LRRC8B: variants seen among roughly 807,000 people sequenced by gnomAD.
The protein encoded by LRRC8B is volume-regulated anion channel subunit LRRC8B.
A neutral mutation model predicts 58.8 loss-of-function variants in LRRC8B; 23 were observed. The ratio of observed to expected loss-of-function variants is 0.39; its 90% CI spans 0.28 to 0.55. The LOEUF is 0.55. Among genes scored for constraint, LRRC8B ranks in the 20% least tolerant of loss-of-function variants. The pLI, the probability that LRRC8B is intolerant of heterozygous loss-of-function variation, is 0.62. For missense variants in LRRC8B, 694 were observed against 936.0 expected (o/e 0.74, Z 3.37); for synonymous variants, 359 against 374.1 (o/e 0.96, Z 0.47).
intron 1 of LRRC8B, among the ~76,000 whole-genome samples, chr1:89,550,869 C>T (rs571351221): frequency 1.3e-5 from 2 of 152,264 alleles, no homozygotes; most frequent in East Asian, 3.9e-4. Context: ...CCTTCATTTC[C>T]CCCGGCCCCC....
intron 1 of LRRC8B, among the ~76,000 whole-genome samples, chr1:89,542,899 G>A (rs1570571503): frequency 2.0e-5 from 3 of 152,282 alleles, no homozygotes; most frequent in South Asian, 4.1e-4. Flanking sequence ...TTTGTCTTAT[G>A]TACTGGGGGG....
chr1:89,541,710 CAAAAAAAAAAAAAAAAAAAAAAA>C (rs61714771), intron 1 of LRRC8B, among the ~76,000 whole-genome samples: 3 of 42,220 alleles, frequency 7.1e-5, no homozygotes, highest in African/African-American at 1.1e-4. Context: ...GACTCCGTCT[CAAAAAAAAAAAAAAAAAAAAAAA>C]AAAAAAAAAA....
intron 1 of LRRC8B, among the ~76,000 whole-genome samples, chr1:89,560,058 A>G (rs547378381): frequency 1.3e-5 from 2 of 152,344 alleles, no homozygotes; most frequent in African/African-American, 4.8e-5. Context: ...GACTCTATCA[A>G]TCATTTGTTC....
rs1464488543 is a variant in LRRC8B at position 89,597,347 on chromosome 1, A to G, written c.*4304A>G. ...TATTTAACTTTTGCATTTAACTTGT[A>G]TAATACACTACTGCTGAGAAAAACA... On this transcript the variant is annotated 3_prime_UTR_variant, in exon 6 of 6. Coordinates refer to ENST00000330947, the MANE Select transcript of LRRC8B (RefSeq NM_001369817.2). The G allele has an allele frequency of 2.0e-5, 3 of 152,246 alleles. No individual in the cohort carries two copies. Among genetic ancestry groups the G allele is most frequent in the Non-Finnish European group, 4.4e-5 (3 of 68,040 alleles). 9.4% of individuals were successfully genotyped at this position (152,246 alleles called of 1,614,324 possible). A position where few individuals can be genotyped will look rare whatever the true frequency, so the allele number is the denominator to read the frequency against.
In LRRC8B at chr1:89,541,710, C is replaced by CAAAAAAAAA. The variant is rs61714771; in HGVS notation, c.-241+16719_-241+16727dup. Among the ~76,000 whole-genome samples, 21 of 42,232 alleles carry CAAAAAAAAA rather than the reference C, an allele frequency of 5.0e-4. 4 individuals are homozygous for CAAAAAAAAA. Among genetic ancestry groups the CAAAAAAAAA allele is most frequent in the African/African-American group, 1.5e-3 (14 of 9,222 alleles). The allele number at this position is 42,232 out of a possible 152,430, so 27.7% of individuals were successfully genotyped here. On this transcript the variant is annotated intron_variant, in intron 1 of 5. Coordinates refer to ENST00000330947, the MANE Select transcript of LRRC8B (RefSeq NM_001369817.2). ...TGGGCGACAGAGGGAGACTCCGTCT[C>CAAAAAAAAA]AAAAAAAAAAAAAAAAAAAAAAAAA...
At chr1:89,579,846 T>C (rs1654097605) in intron 4 of LRRC8B, among the ~76,000 whole-genome samples, 158 bp downstream of exon 4, 1 of 152,234 alleles carries the variant, frequency 6.6e-6, no homozygotes, top group Non-Finnish European at 1.5e-5. Flanking sequence ...AATTTAATTC[T>C]CAGGACCTTT....
intron 5 of LRRC8B, among the ~76,000 whole-genome samples, chr1:89,586,737 G>T (rs1365984436): frequency 6.6e-6 from 1 of 152,208 alleles, no homozygotes; most frequent in East Asian, 1.9e-4. Flanking sequence ...ATCTTTTTGA[G>T]TGGGTTGTCC....
intron 1 of LRRC8B, among the ~76,000 whole-genome samples, chr1:89,548,253 A>C (rs1251151635): frequency 2.6e-5 from 4 of 152,172 alleles, no homozygotes; most frequent in African/African-American, 7.2e-5. Context: ...CTTTTTTTTA[A>C]GTTTGAAGTT....
Position 89,583,219 on chromosome 1 carries a change from T to C in LRRC8B, c.569T>C (p.Leu190Pro), listed in dbSNP as rs1654369860. ...AAACTCTCCAAGTCCAAGATTTTGC[T>C]TTCGTCCTCAGGGTGTTCAGCTGAC... ...PLKLSKSKIL[L>P]SSSGCSADID... The change falls in exon 5 of 6, where the codon CTT becomes CCT. Residue 190 changes from leucine to proline, a missense_variant. By Grantham distance (98) the Leu-to-Pro change is moderately conservative. Transcript: ENST00000330947. The surrounding 1 kb of genome is among the most constrained non-coding windows in gnomAD (Gnocchi z 5.2). The C allele has an allele frequency of 1.2e-6, 2 of 1,614,010 alleles. No homozygotes were observed. The highest frequency in any genetic ancestry group is 1.7e-5 in the Admixed American group (1 of 59,986).
intron 5 of LRRC8B, among the ~76,000 whole-genome samples, chr1:89,591,122 A>G (rs1654946114): frequency 6.6e-6 from 1 of 152,198 alleles, no homozygotes; most frequent in Non-Finnish European, 1.5e-5. Context: ...TCAGTACTTG[A>G]TCCCAGCAGC....
In LRRC8B at chr1:89,596,779, A is replaced by G. The variant is rs1227523090; in HGVS notation, c.*3736A>G. ...GATTTGCAATGATATTTGAGCATGT[A>G]TTTATTTAGGAGGAAGCCAGTGCCT... On this transcript the variant is annotated 3_prime_UTR_variant, in exon 6 of 6. Coordinates refer to ENST00000330947, the MANE Select transcript of LRRC8B (RefSeq NM_001369817.2). 6.6e-6 allele frequency: 1 copy of G among 152,150 alleles called. No homozygotes were observed. The highest frequency in any genetic ancestry group is 1.5e-5 in the Non-Finnish European group (1 of 68,000). The allele number at this position is 152,150 out of a possible 1,614,324, so 9.4% of individuals were successfully genotyped here. A position where few individuals can be genotyped will look rare whatever the true frequency, so the allele number is the denominator to read the frequency against.
At chr1:89,537,515 C>T (rs1650621377) in intron 1 of LRRC8B, among the ~76,000 whole-genome samples, 1 of 152,124 alleles carries the variant, frequency 6.6e-6, no homozygotes, top group Non-Finnish European at 1.5e-5. Context: ...CTCTGTTGCC[C>T]ATGGTGGAGT....
intron 1 of LRRC8B, among the ~76,000 whole-genome samples, chr1:89,533,783 AG>A (rs1650320693): frequency 1.3e-5 from 2 of 152,252 alleles, no homozygotes; most frequent in Middle Eastern, 3.2e-3. Flanking sequence ...GGAGAGAATT[AG>A]GGAATACAAT....
chr1:89,549,077 TACC>T (rs1248447446), intron 1 of LRRC8B, among the ~76,000 whole-genome samples: 1 of 152,208 alleles, frequency 6.6e-6, no homozygotes, highest in African/African-American at 2.4e-5. Context: ...GGTGATGGGA[TACC>T]ACAGTGAGCC....
rs1259041945 is a variant in LRRC8B at position 89,592,898 on chromosome 1, T to C, written c.2267T>C (p.Ile756Thr). The C allele has an allele frequency of 1.9e-6, 3 of 1,614,176 alleles. No homozygotes were observed. Among genetic ancestry groups the C allele is most frequent in the Non-Finnish European group, 2.5e-6 (3 of 1,180,022 alleles). Reference protein sequence around the residue: ...ELSNLTHLELIGNYLETLPPE... With the variant: ...ELSNLTHLELTGNYLETLPPE... ...TCAAACCTTACTCATCTGGAGCTCA[T>C]TGGTAATTACCTGGAAACACTTCCT... The change falls in exon 6 of 6, where the codon ATT becomes ACT. Residue 756 changes from isoleucine (I) to threonine (T), a missense_variant. Transcript: ENST00000330947.
Position 89,584,351 on chromosome 1 carries a change from C to T in LRRC8B, c.1701C>T (p.Ser567=), listed in dbSNP as rs1466907996. 4 of 1,613,940 alleles carry T rather than the reference C, an allele frequency of 2.5e-6. No homozygotes were observed. In the Admixed American group the frequency reaches 5.0e-5, roughly 20 times the overall value. ...TDLLPSLQKL[S]LDNEGSKLVV... Reference sequence around the variant, plus strand: ...TCCTGCCTTCATTGCAGAAACTGTCCCTTGATAATGAGGGAAGCAAACTGG... The same window carrying T: ...TCCTGCCTTCATTGCAGAAACTGTCTCTTGATAATGAGGGAAGCAAACTGG... The change falls in exon 5 of 6, where the codon TCC becomes TCT. Residue 567 remains serine (S), a synonymous_variant. Transcript: ENST00000330947.
At chr1:89,526,295 A>T (rs1034732577) in intron 1 of LRRC8B, among the ~76,000 whole-genome samples, 1 of 151,812 alleles carries the variant, frequency 6.6e-6, no homozygotes, top group African/African-American at 2.4e-5. Context: ...GCTCACTGCA[A>T]CCTCCACCTC....
intron 1 of LRRC8B, among the ~76,000 whole-genome samples, chr1:89,539,774 C>T (rs1475644672): frequency 6.6e-6 from 1 of 152,102 alleles, no homozygotes; most frequent in Non-Finnish European, 1.5e-5. Flanking sequence ...TAGGTTTCTC[C>T]CACTTCAAGG....
chr1:89,591,849 G>A (rs1654996224), intron 5 of LRRC8B, among the ~76,000 whole-genome samples: 1 of 152,038 alleles, frequency 6.6e-6, no homozygotes, highest in South Asian at 2.1e-4. Context: ...GTTTTTGTAG[G>A]TGGCCCCTGT....
Sources: gnomAD v4.1 joint callset for allele counts (sites outside exome capture counted in the v4.1 genomes callset) on GRCh38, gnomAD v4.1.1 for gene constraint, Gnocchi (gnomAD v3.1) non-coding constraint, MANE v1.5 for transcripts, NCBI Gene and HGNC (gene_info 2026-07-23, HGNC 2026-07-21) for gene names.